The following ANKRD11 variants were observed in gnomAD, a reference collection of about 807,000 sequenced individuals.
ANKRD11 encodes ankyrin repeat domain-containing protein 11.
Under a neutral mutation model 195.7 loss-of-function variants are expected in ANKRD11, and 17 were observed. The observed-to-expected ratio is 0.09, with a 90% confidence interval of 0.06 to 0.13. ANKRD11 has a LOEUF of 0.13. Ranked by LOEUF, ANKRD11 falls within the 10% of genes least tolerant of loss-of-function variation. ANKRD11 has a pLI of 1.00. For synonymous variants in ANKRD11, 1,953 were observed against 1,528.1 expected (o/e 1.28, Z -6.49); for missense variants, 3,735 against 3,566.1 (o/e 1.05, Z -1.21).
chr16:89,436,448 A>C (rs1286524800), intron 1 of ANKRD11, among the ~76,000 whole-genome samples: 1 of 152,094 alleles, frequency 6.6e-6, no homozygotes, highest in Non-Finnish European at 1.5e-5. Flanking sequence ...TTCTCCTGAC[A>C]GATGACATTC....
At chr16:89,305,727 C>T (rs1168755210) in intron 3 of ANKRD11, among the ~76,000 whole-genome samples, 4 of 90,390 alleles carry the variant, frequency 4.4e-5, no homozygotes, top group African/African-American at 9.6e-5. Context: ...CCTCCCACTC[C>T]GCAGACACGC....
intron 4 of ANKRD11, among the ~76,000 whole-genome samples, chr16:89,303,451 C>G (rs1555534906): frequency 6.6e-6 from 1 of 152,204 alleles, no homozygotes; most frequent in Non-Finnish European, 1.5e-5. Context: ...CTTACACAAC[C>G]CATCCACACA....
In ANKRD11 at chr16:89,281,246, C is replaced by G; in HGVS notation, c.5296G>C (p.Val1766Leu). 6.2e-7 allele frequency: 1 copy of G among 1,614,166 alleles called. No homozygotes were observed. The highest frequency in any genetic ancestry group is 1.1e-5 in the South Asian group (1 of 91,084). Residue 1766 changes from valine to leucine, a missense_variant, in exon 9 of 13, where the codon GTG (valine) becomes CTG (leucine). Physicochemically the swap from Val to Leu is conservative, Grantham distance 32 (BLOSUM62 1). Coordinates refer to ENST00000301030, the MANE Select transcript of ANKRD11 (RefSeq NM_013275.6). The surrounding 1 kb of genome is among the most constrained non-coding windows in gnomAD (Gnocchi z 5.5). ...CSPSFFDRFSVASSGLSENAS... is the reference protein window; with the variant it reads ...CSPSFFDRFSLASSGLSENAS... Reference sequence around the variant, plus strand: ...TTTTCCGAAAGCCCACTTGAAGCCACGGAGAACCTGTCGAAAAAGGAGGGG... The same window carrying G: ...TTTTCCGAAAGCCCACTTGAAGCCAGGGAGAACCTGTCGAAAAAGGAGGGG...
chr16:89,378,445 T>C (rs925601513), intron 2 of ANKRD11, among the ~76,000 whole-genome samples: 2 of 152,190 alleles, frequency 1.3e-5, no homozygotes, highest in African/African-American at 4.8e-5. Flanking sequence ...TTCTTGATAA[T>C]AATTTCAAAT....
At chr16:89,462,572 C>A (rs573839663) in intron 1 of ANKRD11, among the ~76,000 whole-genome samples, 113 of 151,706 alleles carry the variant, frequency 7.4e-4, no homozygotes, top group African/African-American at 2.6e-3. Context: ...GCTGCCCAGT[C>A]TGGAAAGTGA....
chr16:89,274,621 G>T, intron 11 of ANKRD11, 193 bp downstream of exon 11: 1 of 814,276 alleles, frequency 1.2e-6, no homozygotes, highest in Non-Finnish European at 2.0e-6. Flanking sequence ...GCTGTCTGCT[G>T]TCTGCTGCAG....
chr16:89,441,828 T>G (rs2043518713), intron 1 of ANKRD11, among the ~76,000 whole-genome samples: 1 of 123,304 alleles, frequency 8.1e-6, no homozygotes, highest in Non-Finnish European at 1.7e-5. Flanking sequence ...AAACATACCC[T>G]GCATAACTGA....
chr16:89,412,449 C>T (rs534271101), intron 2 of ANKRD11: 24 of 152,696 alleles, frequency 1.6e-4, no homozygotes, highest in African/African-American at 5.5e-4. Flanking sequence ...CTTCCTCCTA[C>T]CTTCCTCTTC....
chr16:89,411,147 G>A (rs184757310), intron 2 of ANKRD11, among the ~76,000 whole-genome samples: 3 of 152,362 alleles, frequency 2.0e-5, no homozygotes, highest in Admixed American at 6.5e-5. Flanking sequence ...ACAGGGGCTC[G>A]GGCCCACGCT....
At position 89,282,694 on chromosome 16, in the gene ANKRD11, T is replaced by C. The variant is rs1239842827; in HGVS notation, c.3848A>G (p.Lys1283Arg). ...CTCATGGAGAGCCTCTTCTTCCAAC[T>C]TTTCAAGCAGGCTTTTTTCCGCGTC... ...SADAEKSLLE[K>R]LEEEALHEYR... Residue 1283 changes from lysine (K) to arginine (R), a missense_variant, in exon 9 of 13, where the codon AAG becomes AGG. Physicochemically the swap from Lys to Arg is conservative, Grantham distance 26. Coordinates refer to ENST00000301030, the MANE Select transcript of ANKRD11 (RefSeq NM_013275.6). 6.2e-7 allele frequency: 1 copy of C among 1,614,176 alleles called. No homozygotes were observed. Among genetic ancestry groups the C allele is most frequent in the South Asian group, 1.1e-5 (1 of 91,088 alleles).
intron 2 of ANKRD11, among the ~76,000 whole-genome samples, chr16:89,369,268 A>T (rs2040088210): frequency 6.6e-6 from 1 of 152,244 alleles, no homozygotes; most frequent in African/African-American, 2.4e-5. Context: ...GGTACGCCCG[A>T]GAAATGCCCA....
chr16:89,398,488 A>G (rs972267923), intron 2 of ANKRD11, among the ~76,000 whole-genome samples: 5 of 152,102 alleles, frequency 3.3e-5, no homozygotes, highest in African/African-American at 1.2e-4. Context: ...GAAGGCTGAC[A>G]TGAGGACTGC....
intron 3 of ANKRD11, among the ~76,000 whole-genome samples, chr16:89,313,003 G>A (rs938963857): frequency 6.6e-6 from 1 of 152,208 alleles, no homozygotes; most frequent in Non-Finnish European, 1.5e-5. Context: ...TCGCTGGAGG[G>A]CTCACATGCT....
chr16:89,424,552 A>T (rs1374250302), intron 1 of ANKRD11, among the ~76,000 whole-genome samples: 1 of 152,150 alleles, frequency 6.6e-6, no homozygotes, highest in Non-Finnish European at 1.5e-5. Flanking sequence ...ACCATGGATA[A>T]ATAAGCTGAG....
Position 89,275,213 on chromosome 16 carries a change from G to A in ANKRD11, c.7471-22C>T, listed in dbSNP as rs369744288. 5.7e-6 allele frequency: 9 copies of A among 1,586,078 alleles called. No individual in the cohort carries two copies. The South Asian group carries it at 6.8e-5, about 12-fold the overall frequency. Reference sequence around the variant, plus strand: ...CGATCTACAGGCAAAAGGTGAGTGTGGGGGGTCAGCTGGGGCTGTGGAACT... The same window carrying A: ...CGATCTACAGGCAAAAGGTGAGTGTAGGGGGTCAGCTGGGGCTGTGGAACT... On this transcript the variant is annotated intron_variant, in intron 9 of 12. Transcript: ENST00000301030.
chr16:89,395,570 C>G (rs975060607), intron 2 of ANKRD11: 8 of 152,228 alleles, frequency 5.3e-5, no homozygotes, highest in African/African-American at 1.9e-4. Context: ...ACCAATGGGC[C>G]ATCACATTGG....
At chr16:89,435,279 C>T (rs1045205621) in intron 1 of ANKRD11, among the ~76,000 whole-genome samples, 1 of 152,114 alleles carries the variant, frequency 6.6e-6, no homozygotes. Context: ...GTAAAATGGC[C>T]CAATCAGCGC....
chr16:89,452,498 CT>C (rs368879484), intron 1 of ANKRD11, among the ~76,000 whole-genome samples: 3 of 151,582 alleles, frequency 2.0e-5, no homozygotes, highest in Non-Finnish European at 2.9e-5. Flanking sequence ...CAGCTGTTTA[CT>C]TTTTTTTTAA....
At chr16:89,307,365 A>C (rs1838265243) in intron 3 of ANKRD11, among the ~76,000 whole-genome samples, 1 of 152,166 alleles carries the variant, frequency 6.6e-6, no homozygotes, top group South Asian at 2.1e-4. Context: ...ACCTGCATCC[A>C]CCAAACCTGA....
Sources: gnomAD v4.1 joint callset for allele counts (sites outside exome capture counted in the v4.1 genomes callset) on GRCh38, gnomAD v4.1.1 for gene constraint, Gnocchi (gnomAD v3.1) non-coding constraint, MANE v1.5 for transcripts, NCBI Gene and HGNC (gene_info 2026-07-23, HGNC 2026-07-21) for gene names.